The following STON2 variants were observed in gnomAD, a reference collection of about 807,000 sequenced individuals.
STON2 encodes the protein stonin-2.
In STON2, 29 loss-of-function variants were observed where a neutral mutation model predicts 65.7. That is an observed-to-expected ratio of 0.44 (90% CI 0.33 to 0.60). The LOEUF (loss-of-function observed/expected upper bound fraction) is 0.60, where lower values mean the gene tolerates loss of function less well. Ranked by LOEUF, STON2 falls within the 20% of genes least tolerant of loss-of-function variation. The pLI is 0.03. For missense variants in STON2, 1,054 were observed against 1,118.1 expected (o/e 0.94, Z 0.82); for synonymous variants, 404 against 414.2 (o/e 0.98, Z 0.30).
intron 5 of STON2, among the ~76,000 whole-genome samples, chr14:81,311,241 A>G (rs1896414849): frequency 6.6e-6 from 1 of 152,186 alleles, no homozygotes; most frequent in South Asian, 2.1e-4. Flanking sequence ...AGGAGGCAGG[A>G]GAAGAGTATG....
At position 81,264,524 on chromosome 14, in the gene STON2, G is replaced by GT. The variant is rs1199402156; in HGVS notation, c.*3889dup. ...TATTATATTCCAAGCTTTGTGCTAG[G>GT]TGTTGGAAACACAAAAAATTATATA... On this transcript the variant is annotated 3_prime_UTR_variant, in exon 8 of 8. Transcript: ENST00000614646. The GT allele has an allele frequency of 4.1e-6, 4 of 984,920 alleles. No homozygotes were observed. Among genetic ancestry groups the GT allele is most frequent in the Middle Eastern group, 1.0e-3 (2 of 1,934 alleles). The allele number at this position is 984,920 out of a possible 1,614,324, so 61.0% of individuals were successfully genotyped here.
intron 4 of STON2, among the ~76,000 whole-genome samples, chr14:81,324,751 C>A (rs1896946811): frequency 6.6e-6 from 1 of 152,174 alleles, no homozygotes; most frequent in Non-Finnish European, 1.5e-5. Context: ...GAAATGGATT[C>A]ACATTGAAAG....
chr14:81,306,110 A>G (rs1395500033), intron 5 of STON2, among the ~76,000 whole-genome samples: 1 of 137,406 alleles, frequency 7.3e-6, no homozygotes, highest in Non-Finnish European at 1.6e-5. Flanking sequence ...CTCCTTTTTA[A>G]TTTTTTTTAA....
At chr14:81,357,095 C>T (rs372787956) in intron 4 of STON2, among the ~76,000 whole-genome samples, 1 of 151,830 alleles carries the variant, frequency 6.6e-6, no homozygotes, top group African/African-American at 2.4e-5. Flanking sequence ...AAGAAACTAC[C>T]ATCAGAGTGA....
chr14:81,327,001 T>C (rs1014965824), intron 4 of STON2, among the ~76,000 whole-genome samples: 16 of 152,090 alleles, frequency 1.1e-4, no homozygotes, highest in Non-Finnish European at 2.2e-4. Context: ...CTACTAAAAA[T>C]ACAAAAATTA....
At position 81,307,919 on chromosome 14, in the gene STON2, A is replaced by G. The variant is rs547971586; in HGVS notation, c.742+16098T>C. On this transcript the variant is annotated intron_variant, in intron 5 of 7. Coordinates refer to ENST00000614646, the MANE Select transcript of STON2 (RefSeq NM_001394390.1). ...TATTTTAGTAGTTATGTTTTTGGGG[A>G]GTCAAGTTATATGTGGATTTTCTAC... Among the ~76,000 whole-genome samples, 8 of 152,206 alleles carry G rather than the reference A, an allele frequency of 5.3e-5. No individual in the cohort carries two copies. The East Asian group carries it at 1.5e-3, about 29-fold the overall frequency.
rs1414894271 is a variant in STON2, at chr14:81,262,207, A to G, written c.*6207T>C. The G allele has an allele frequency of 4.1e-6, 4 of 985,328 alleles. No individual in the cohort carries two copies. Among genetic ancestry groups the G allele is most frequent in the Middle Eastern group, 5.2e-4 (1 of 1,936 alleles). The allele number at this position is 985,328 out of a possible 1,614,324, so 61.0% of individuals were successfully genotyped here. ...AAACAGCAACTTACTTAACATAGTG[A>G]TTGTCTCCATGGCTATGTCCTGTAA... On this transcript the variant is annotated 3_prime_UTR_variant, in exon 8 of 8. Coordinates refer to ENST00000614646, the MANE Select transcript of STON2 (RefSeq NM_001394390.1).
At chr14:81,373,483 A>C (rs1899099189) in intron 3 of STON2, among the ~76,000 whole-genome samples, 2 of 152,252 alleles carry the variant, frequency 1.3e-5, no homozygotes, top group African/African-American at 4.8e-5. Flanking sequence ...AAATACAATT[A>C]AAATATTTGT....
rs1894312381 is a variant in STON2 at position 81,265,254 on chromosome 14, GTAT to G, written c.*3157_*3159del. The G allele has an allele frequency of 2.0e-6, 2 of 983,436 alleles. No individual in the cohort carries two copies. Among genetic ancestry groups the G allele is most frequent in the Non-Finnish European group, 2.4e-6 (2 of 828,242 alleles). 60.9% of individuals were successfully genotyped at this position (983,436 alleles called of 1,614,324 possible). ...CACTCATTACGTCTAAAAATATATA[GTAT>G]TATTATCCCCAAACCCCTAAATGCT... On this transcript the variant is annotated 3_prime_UTR_variant, in exon 8 of 8. Coordinates refer to ENST00000614646, the MANE Select transcript of STON2 (RefSeq NM_001394390.1).
intron 5 of STON2, chr14:81,306,839 C>T (rs1378517999): frequency 6.6e-6 from 1 of 152,224 alleles, no homozygotes; most frequent in Non-Finnish European, 1.5e-5. Context: ...GGACATTAAC[C>T]CTTTAACAAA....
At chr14:81,288,075 C>T (rs539918966) in intron 5 of STON2, among the ~76,000 whole-genome samples, 10 of 152,116 alleles carry the variant, frequency 6.6e-5, no homozygotes, top group Admixed American at 3.9e-4. Flanking sequence ...TAAATTAGTT[C>T]CTTAACATTT....
intron 3 of STON2, among the ~76,000 whole-genome samples, chr14:81,394,267 T>G (rs74718961): frequency 0.043 from 6,470 of 152,184 alleles, 491 homozygotes; most frequent in African/African-American, 0.15. Context: ...TGTAAAAATA[T>G]AAATGTTTGT....
intron 5 of STON2, among the ~76,000 whole-genome samples, chr14:81,314,885 C>T (rs950437586): frequency 6.6e-6 from 1 of 152,012 alleles, no homozygotes; most frequent in South Asian, 2.1e-4. Flanking sequence ...GGGTATTACT[C>T]TGTTGCCCAA....
In STON2 at chr14:81,262,644, C is replaced by A. The variant is rs1255140551; in HGVS notation, c.*5770G>T. ...GCCTCTCTCCAGGCACTACCAAACT[C>A]ATTACTGTGGATAGTTTCTGCCTTT... On this transcript the variant is annotated 3_prime_UTR_variant, in exon 8 of 8. Coordinates refer to ENST00000614646, the MANE Select transcript of STON2 (RefSeq NM_001394390.1). The A allele has an allele frequency of 1.0e-6, 1 of 985,312 alleles. No homozygotes were observed. Among genetic ancestry groups the A allele is most frequent in the Non-Finnish European group, 1.2e-6 (1 of 829,938 alleles). The allele number at this position is 985,312 out of a possible 1,614,324, so 61.0% of individuals were successfully genotyped here.
chr14:81,276,922 G>A lies in STON2; in HGVS notation c.2560C>T (p.Arg854Ter), dbSNP rs528562153. ...AFNSIVWRIN[R>*]LPDKNSASGH... is the part of the protein sequence containing the mutation. ...CCACCTGAGTTTTTGTCCGGCAGTCGGTTTATCCTCCACACAATGGAGTTG... is the reference window on the plus strand; with the variant it reads ...CCACCTGAGTTTTTGTCCGGCAGTCAGTTTATCCTCCACACAATGGAGTTG... Residue 854 changes from arginine (R) to a stop codon, truncating the protein, a stop_gained, in exon 6 of 8, where the codon CGA (arginine) becomes TGA (stop). Coordinates refer to ENST00000614646, the MANE Select transcript of STON2 (RefSeq NM_001394390.1). LOFTEE classifies it high-confidence loss of function. 6.8e-6 allele frequency: 11 copies of A among 1,610,612 alleles called. No homozygotes were observed. The highest frequency in any genetic ancestry group is 2.7e-5 in the African/African-American group (2 of 74,936).
At chr14:81,405,906 G>T (rs1269611673) in intron 2 of STON2, among the ~76,000 whole-genome samples, 2 of 152,158 alleles carry the variant, frequency 1.3e-5, no homozygotes, top group Non-Finnish European at 2.9e-5. Flanking sequence ...TCTCAATCTG[G>T]GTGGGTACCA....
chr14:81,424,567 T>C, intron 2 of STON2, among the ~76,000 whole-genome samples: 1 of 152,146 alleles, frequency 6.6e-6, no homozygotes, highest in East Asian at 1.9e-4. Context: ...GATATGATTT[T>C]TAAAATTCCA....
intron 6 of STON2, 38 bp from the exon 7 acceptor site, chr14:81,270,910 G>A: frequency 6.3e-7 from 1 of 1,597,068 alleles, no homozygotes; most frequent in Non-Finnish European, 8.5e-7. Flanking sequence ...AGATTATTTG[G>A]GGAGAAAGTG....
intron 4 of STON2, among the ~76,000 whole-genome samples, chr14:81,363,679 C>A (rs372244768): frequency 3.5e-4 from 53 of 151,798 alleles, no homozygotes; most frequent in African/African-American, 1.1e-3. Flanking sequence ...AAATATTGTT[C>A]AGGAAAAAGA....
Sources: allele counts gnomAD v4.1 joint callset (sites outside exome capture counted in the v4.1 genomes callset), GRCh38; gene constraint gnomAD v4.1.1; transcripts MANE v1.5; gene names NCBI Gene and HGNC (gene_info 2026-07-23, HGNC 2026-07-21).